The following PPFIBP1 variants were observed in gnomAD, a reference collection of about 807,000 sequenced individuals.
PPFIBP1 encodes PPFIB scaffold protein 1, also known as liprin-beta-1.
Under a neutral mutation model 137.8 loss-of-function variants are expected in PPFIBP1, and 112 were observed. The observed-to-expected ratio is 0.81, with a 90% CI of 0.70 to 0.95. PPFIBP1 has a LOEUF of 0.95. Among genes scored for constraint, PPFIBP1 ranks in the 40% least tolerant of loss-of-function variants. PPFIBP1 has a pLI of 0.00. For synonymous variants in PPFIBP1, 378 were observed against 417.3 expected (o/e 0.91, Z 1.15); for missense variants, 1,083 against 1,196.6 (o/e 0.91, Z 1.40).
chr12:27,648,780 G>A (rs1268096041), intron 6 of PPFIBP1, among the ~76,000 whole-genome samples: 2 of 152,146 alleles, frequency 1.3e-5, no homozygotes, highest in Admixed American at 6.5e-5. Context: ...TTACTTATTT[G>A]TGGGATCTAA....
At chr12:27,683,501 C>T (rs932017184) in intron 24 of PPFIBP1, among the ~76,000 whole-genome samples, 1 of 152,188 alleles carries the variant, frequency 6.6e-6, no homozygotes, top group Admixed American at 6.5e-5. Flanking sequence ...TTCTCCTTTC[C>T]ACTCTGGACA....
chr12:27,686,241 T>C (rs1375547839), intron 24 of PPFIBP1, among the ~76,000 whole-genome samples: 3 of 152,234 alleles, frequency 2.0e-5, no homozygotes, highest in Admixed American at 6.5e-5. Flanking sequence ...TAAATATTTC[T>C]GTAGTAGATT....
intron 1 of PPFIBP1, among the ~76,000 whole-genome samples, chr12:27,568,362 A>G (rs963842947): frequency 6.6e-6 from 1 of 152,230 alleles, no homozygotes; most frequent in African/African-American, 2.4e-5. Flanking sequence ...TTAAAAATCA[A>G]AGTTTGCAGG....
chr12:27,566,602 A>G (rs922401296), intron 1 of PPFIBP1, among the ~76,000 whole-genome samples: 1 of 152,214 alleles, frequency 6.6e-6, no homozygotes, highest in African/African-American at 2.4e-5. Context: ...ACGGATAACA[A>G]CTACTAAAAA....
At chr12:27,687,535 G>A (rs1177716393) in intron 25 of PPFIBP1, 28 bp downstream of exon 25, 1 of 1,610,550 alleles carries the variant, frequency 6.2e-7, no homozygotes, top group Admixed American at 1.7e-5. Flanking sequence ...AGGTTTATAA[G>A]CATGCACTTC....
chr12:27,647,855 G>C lies in PPFIBP1; in HGVS notation c.471+13G>C, dbSNP rs2058630489. On this transcript the variant is annotated intron_variant, in intron 6 of 29. Transcript: ENST00000228425. Reference sequence around the variant, plus strand: ...AATGCTGCAGCAGGTATGTGCAGAGGCCAGAACCAAGATGGGATTTCCCTG... The same window carrying C: ...AATGCTGCAGCAGGTATGTGCAGAGCCCAGAACCAAGATGGGATTTCCCTG... 1 of 1,604,380 alleles carries C rather than the reference G, an allele frequency of 6.2e-7. No homozygotes were observed. Among genetic ancestry groups the C allele is most frequent in the East Asian group, 2.3e-5 (1 of 44,320 alleles).
chr12:27,633,557 A>G (rs1565905865), intron 3 of PPFIBP1, 97 bp downstream of exon 3: 17 of 1,089,606 alleles, frequency 1.6e-5, no homozygotes. Context: ...CTTTATTTTC[A>G]TTTTTTAGAC....
intron 1 of PPFIBP1, among the ~76,000 whole-genome samples, chr12:27,567,860 A>G (rs1328608842): frequency 1.3e-5 from 2 of 152,164 alleles, no homozygotes; most frequent in Non-Finnish European, 2.9e-5. Context: ...TTGAAACCCA[A>G]GATAAGTTTA....
intron 24 of PPFIBP1, among the ~76,000 whole-genome samples, chr12:27,686,505 T>C (rs2061210147): frequency 6.6e-6 from 1 of 152,238 alleles, no homozygotes; most frequent in South Asian, 2.1e-4. Context: ...GTGATACTTA[T>C]AACTTCATTT....
chr12:27,569,727 T>C (rs551355243), intron 1 of PPFIBP1, among the ~76,000 whole-genome samples: 1 of 152,050 alleles, frequency 6.6e-6, no homozygotes, highest in Non-Finnish European at 1.5e-5. Context: ...CCCAGCTACT[T>C]TTTTGTATTT....
intron 17 of PPFIBP1, 39 bp downstream of exon 17, chr12:27,674,260 A>G (rs779801065): frequency 2.1e-5 from 31 of 1,508,384 alleles, no homozygotes; most frequent in East Asian, 4.6e-5. Flanking sequence ...AAATATTTCT[A>G]CTTCCATTAC....
intron 2 of PPFIBP1, among the ~76,000 whole-genome samples, chr12:27,612,811 G>A (rs543562218): frequency 1.2e-4 from 19 of 152,062 alleles, no homozygotes; most frequent in Non-Finnish European, 1.6e-4. Context: ...TCTCCCTTTT[G>A]TATTAAATGG....
rs1030997413 is a variant in PPFIBP1, at chr12:27,676,693, T to G, written c.1582+94T>G. On this transcript the variant is annotated intron_variant, in intron 18 of 29. Transcript: ENST00000228425. ...CCTTACTCTTTCATTCATTGATTCATTTCTCTTTCTCAGAAACGAAGGTGA... is the reference window on the plus strand; with the variant it reads ...CCTTACTCTTTCATTCATTGATTCAGTTCTCTTTCTCAGAAACGAAGGTGA... 2.5e-5 allele frequency: 31 copies of G among 1,237,252 alleles called. No individual in the cohort carries two copies. The African/African-American group carries it at 3.6e-4, about 15-fold the overall frequency. The allele number at this position is 1,237,252 out of a possible 1,614,324, so 76.6% of individuals were successfully genotyped here.
chr12:27,554,147 G>A (rs761977559), intron 1 of PPFIBP1, among the ~76,000 whole-genome samples: 9 of 152,168 alleles, frequency 5.9e-5, no homozygotes, highest in Non-Finnish European at 8.8e-5. Context: ...TCACAATCCC[G>A]TTAAGATTCC....
intron 2 of PPFIBP1, among the ~76,000 whole-genome samples, chr12:27,620,059 C>T (rs1253094380): frequency 6.6e-6 from 1 of 151,996 alleles, no homozygotes; most frequent in Non-Finnish European, 1.5e-5. Flanking sequence ...CTACTGCTCA[C>T]ACCCTGACCC....
chr12:27,674,180 T>G lies in PPFIBP1; in HGVS notation c.1381-12T>G, dbSNP rs371422870. The G allele has an allele frequency of 6.3e-5, 100 of 1,589,432 alleles. 1 individual carries two copies. The African/African-American group carries it at 1.1e-3, about 18-fold the overall frequency. ...CCCTAACAACCTTAAATATTGTTAT[T>G]GCTTTGAACAGGAAAAGGAAACTAT... On this transcript the variant is annotated splice_polypyrimidine_tract_variant and intron_variant, in intron 16 of 29. Coordinates refer to ENST00000228425, the MANE Select transcript of PPFIBP1 (RefSeq NM_003622.4).
intron 5 of PPFIBP1, among the ~76,000 whole-genome samples, chr12:27,647,220 T>C (rs1207176624): frequency 6.6e-6 from 1 of 152,068 alleles, no homozygotes; most frequent in Non-Finnish European, 1.5e-5. Flanking sequence ...AGGCTGGTCT[T>C]GAACTCCTGA....
intron 4 of PPFIBP1, among the ~76,000 whole-genome samples, chr12:27,641,696 T>A (rs1318537437): frequency 6.6e-6 from 1 of 152,156 alleles, no homozygotes; most frequent in Non-Finnish European, 1.5e-5. Context: ...CACACCCACC[T>A]CTAAATACGG....
At chr12:27,598,896 T>C (rs1433952943) in intron 2 of PPFIBP1, among the ~76,000 whole-genome samples, 2 of 152,228 alleles carry the variant, frequency 1.3e-5, no homozygotes, top group African/African-American at 4.8e-5. Flanking sequence ...GTCTAAGTAG[T>C]ATAAGCTGCC....
Sources: gnomAD v4.1 joint callset for allele counts (sites outside exome capture counted in the v4.1 genomes callset) on GRCh38, gnomAD v4.1.1 for gene constraint, MANE v1.5 for transcripts, NCBI Gene and HGNC (gene_info 2026-07-23, HGNC 2026-07-21) for gene names.